The following CA12 variants were observed in gnomAD, a reference collection of about 807,000 sequenced individuals.
The protein encoded by CA12 is carbonate dehydratase XII.
In CA12, 36 loss-of-function variants were observed where a neutral mutation model predicts 46.8. That is an observed-to-expected ratio of 0.77 (90% confidence interval 0.59 to 1.02). CA12 has a LOEUF of 1.02. Ranked by LOEUF, CA12 falls within the 50% of genes least tolerant of loss-of-function variation. The probability of loss-of-function intolerance (pLI) is 0.00; values close to 1 mark genes in which losing one functional copy is unlikely to be tolerated. For synonymous variants in CA12, 202 were observed against 187.0 expected (o/e 1.08, Z -0.65); for missense variants, 436 against 451.4 (o/e 0.97, Z 0.31).
Position 63,328,145 on chromosome 15 carries a change from G to A in CA12, c.875-15C>T. 6.2e-7 allele frequency: 1 copy of A among 1,613,456 alleles called. No homozygotes were observed. Among genetic ancestry groups the A allele is most frequent in the Admixed American group, 1.7e-5 (1 of 60,022 alleles). On this transcript the variant is annotated splice_polypyrimidine_tract_variant and intron_variant, in intron 8 of 10. Transcript: ENST00000178638. The surrounding 1 kb of genome is among the most constrained non-coding windows in gnomAD (Gnocchi z 5.9). ...ACAGACTTGCACTTAAAAGGGGAGA[G>A]GAAAAGACGAGGTTACTCTAGAGTC... is the stretch of plus-strand genomic sequence containing the variant.
chr15:63,356,585 G>A (rs1308978320), intron 2 of CA12, among the ~76,000 whole-genome samples: 10 of 90 alleles, frequency 0.11, no homozygotes, highest in African/African-American at 0.33. Flanking sequence ...ATGCAGTAGC[G>A]TGATCTCGCT....
Position 63,328,076 on chromosome 15 carries a change from G to A in CA12, c.907+22C>T, listed in dbSNP as rs374688635. On this transcript the variant is annotated intron_variant, in intron 9 of 10. Transcript: ENST00000178638. The surrounding 1 kb of genome is among the most constrained non-coding windows in gnomAD (Gnocchi z 5.9). ...GTGATCACCCAGCTGCAGCATGCACGGCTGGCTGCCCAGCCACATACCCAG... is the reference window on the plus strand; with the variant it reads ...GTGATCACCCAGCTGCAGCATGCACAGCTGGCTGCCCAGCCACATACCCAG... 65 of 1,610,498 alleles carry A rather than the reference G, an allele frequency of 4.0e-5. No homozygotes were observed. The highest frequency in any genetic ancestry group is 3.5e-4 in the South Asian group (32 of 90,984).
At position 63,378,068 on chromosome 15, in the gene CA12, G is replaced by C. The variant is rs980582662; in HGVS notation, c.86-2390C>G. 1.3e-5 allele frequency among the ~76,000 whole-genome samples: 2 copies of C among 152,212 alleles called. No individual in the cohort carries two copies. The highest frequency in any genetic ancestry group is 4.8e-5 in the African/African-American group (2 of 41,448). On this transcript the variant is annotated intron_variant, in intron 1 of 10. Transcript: ENST00000178638. This position sits in a 1 kb window ranked among gnomAD's most constrained non-coding sequence, Gnocchi z 4.8. ...CCAGACCCCCTGGAGTATCCGATGA[G>C]TATTATGGACCTCTCCCAGTAAAAA... is the stretch of plus-strand genomic sequence containing the variant.
At chr15:63,333,491 G>A (rs989220783) in intron 8 of CA12, among the ~76,000 whole-genome samples, 1 of 152,160 alleles carries the variant, frequency 6.6e-6, no homozygotes, top group Non-Finnish European at 1.5e-5. Flanking sequence ...CTGACTGTTC[G>A]GCCTCTGACC....
intron 2 of CA12, 55 bp from the exon 3 acceptor site, chr15:63,346,764 T>C: frequency 1.3e-6 from 2 of 1,566,992 alleles, no homozygotes; most frequent in African/African-American, 1.3e-5. Flanking sequence ...GGGATTTTCC[T>C]TATCTTCTAA....
chr15:63,346,810 T>C, intron 2 of CA12, 101 bp from the exon 3 acceptor site: 2 of 1,366,190 alleles, frequency 1.5e-6, no homozygotes, highest in East Asian at 2.3e-5. Context: ...TTTCTCCTCT[T>C]TTCTGAATCC....
chr15:63,359,621 A>C (rs991947131), intron 2 of CA12, among the ~76,000 whole-genome samples: 1 of 152,210 alleles, frequency 6.6e-6, no homozygotes, highest in Non-Finnish European at 1.5e-5. Flanking sequence ...TCTAAGATCT[A>C]TATGCTATAT....
chr15:63,342,025 C>G lies in CA12; in HGVS notation c.502G>C (p.Ala168Pro). ...STASNKSEGL[A>P]VLAVLIEMGS... ...ACCTCAATGAGAACAGCCAGGACAG[C>G]GAGGCCTTCTGACTTGTTGCTGGCA... The change falls in exon 5 of 11, where the codon GCT (alanine) becomes CCT (proline). Residue 168 changes from alanine (A) to proline (P), a missense_variant. Physicochemically the swap from Ala to Pro is conservative, Grantham distance 27. Transcript: ENST00000178638. 1.2e-6 allele frequency: 2 copies of G among 1,613,496 alleles called. No individual in the cohort carries two copies. The highest frequency in any genetic ancestry group is 1.7e-6 in the Non-Finnish European group (2 of 1,179,516).
At chr15:63,353,064 G>C (rs1003762649) in intron 2 of CA12, among the ~76,000 whole-genome samples, 2 of 152,108 alleles carry the variant, frequency 1.3e-5, no homozygotes, top group African/African-American at 4.8e-5. Context: ...AGATGCAATG[G>C]AGAACAAAAC....
Position 63,346,691 on chromosome 15 carries a change from C to T in CA12, c.125G>A (p.Ser42Asn). The T allele has an allele frequency of 6.2e-7, 1 of 1,614,204 alleles. No homozygotes were observed. The highest frequency in any genetic ancestry group is 8.5e-7 in the Non-Finnish European group (1 of 1,180,022). The change falls in exon 3 of 11, where the codon AGC becomes AAC. Residue 42 changes from serine (S) to asparagine (N), a missense_variant. Ser to Asn is a conservative substitution (Grantham distance 46). Transcript: ENST00000178638. ...WTYFGPDGEN[S>N]WSKKYPSCGG... is the part of the protein sequence containing the mutation. Reference sequence around the variant, plus strand: ...ACACGACGGGTACTTCTTGGACCAGCTATTCTCCCCATCAGGACCTGGACA... The same window carrying T: ...ACACGACGGGTACTTCTTGGACCAGTTATTCTCCCCATCAGGACCTGGACA...
At position 63,328,803 on chromosome 15, in the gene CA12, C is replaced by G. The variant is rs1348742831; in HGVS notation, c.875-673G>C. 6.6e-6 allele frequency among the ~76,000 whole-genome samples: 1 copy of G among 152,174 alleles called. No individual in the cohort carries two copies. The highest frequency in any genetic ancestry group is 1.5e-5 in the Non-Finnish European group (1 of 68,028). ...GCAACCTCCACCTCCTGGGTTCAAG[C>G]AATTCTCATGCCTCAGCCTCCCGAG... On this transcript the variant is annotated intron_variant, in intron 8 of 10. Coordinates refer to ENST00000178638, the MANE Select transcript of CA12 (RefSeq NM_001218.5). This position sits in a 1 kb window ranked among gnomAD's most constrained non-coding sequence, Gnocchi z 5.9.
chr15:63,360,534 A>G (rs1008904556), intron 2 of CA12, among the ~76,000 whole-genome samples: 14 of 152,226 alleles, frequency 9.2e-5, no homozygotes, highest in African/African-American at 3.4e-4. Flanking sequence ...ACTGTCTCCC[A>G]ACACTACCCC....
Position 63,337,136 on chromosome 15 carries a change from A to G in CA12, c.874+1683T>C, listed in dbSNP as rs1260981227. Reference sequence around the variant, plus strand: ...TTTTCAGGAAGGCTACTGTTCACAGATTCTGTTTTCCAACTGAGAAACTGA... The same window carrying G: ...TTTTCAGGAAGGCTACTGTTCACAGGTTCTGTTTTCCAACTGAGAAACTGA... On this transcript the variant is annotated intron_variant, in intron 8 of 10. Coordinates refer to ENST00000178638, the MANE Select transcript of CA12 (RefSeq NM_001218.5). Among the ~76,000 whole-genome samples, 4 of 152,218 alleles carry G rather than the reference A, an allele frequency of 2.6e-5. No homozygotes were observed. The East Asian group carries it at 7.7e-4, about 29-fold the overall frequency.
intron 1 of CA12, among the ~76,000 whole-genome samples, chr15:63,376,628 TC>T (rs1468595622): frequency 1.1e-5 from 1 of 91,140 alleles, no homozygotes; most frequent in African/African-American, 3.9e-5. Context: ...CTCTCTTTCT[TC>T]TTTTTCTTTT....
chr15:63,363,809 A>G (rs1279706961), intron 2 of CA12, among the ~76,000 whole-genome samples: 1 of 152,206 alleles, frequency 6.6e-6, no homozygotes, highest in Non-Finnish European at 1.5e-5. Context: ...ATCTGTGCAG[A>G]TGCAGTCTGA....
intron 2 of CA12, among the ~76,000 whole-genome samples, chr15:63,366,254 A>G (rs190609115): frequency 1.3e-5 from 2 of 151,192 alleles, no homozygotes; most frequent in Admixed American, 1.3e-4. Flanking sequence ...CCCTTCCCTC[A>G]TCACTGAGGT....
Position 63,340,241 on chromosome 15 carries a change from G to A in CA12, c.747+47C>T. The A allele has an allele frequency of 6.2e-7, 1 of 1,603,394 alleles. No individual in the cohort carries two copies. The highest frequency in any genetic ancestry group is 8.5e-7 in the Non-Finnish European group (1 of 1,170,406). ...TGATTGTGATATGGAGGATGATGGG[G>A]ACTGAGGTGCCGCGTGGACTCTGGC... On this transcript the variant is annotated intron_variant, in intron 7 of 10. Coordinates refer to ENST00000178638, the MANE Select transcript of CA12 (RefSeq NM_001218.5). This position sits in a 1 kb window ranked among gnomAD's most constrained non-coding sequence, Gnocchi z 4.4.
intron 2 of CA12, among the ~76,000 whole-genome samples, chr15:63,364,788 C>T (rs1176759856): frequency 1.3e-5 from 2 of 152,216 alleles, no homozygotes; most frequent in African/African-American, 2.4e-5. Context: ...TGCTAATCAC[C>T]GCACTCCCTC....
chr15:63,379,024 C>G (rs1048462272), intron 1 of CA12: 2 of 152,364 alleles, frequency 1.3e-5, no homozygotes, highest in Admixed American at 1.3e-4. Flanking sequence ...AGTTCTCATC[C>G]TCAGATGAGG....
Sources: gnomAD v4.1 joint callset for allele counts (sites outside exome capture counted in the v4.1 genomes callset) on GRCh38, gnomAD v4.1.1 for gene constraint, Gnocchi (gnomAD v3.1) non-coding constraint, MANE v1.5 for transcripts, NCBI Gene and HGNC (gene_info 2026-07-23, HGNC 2026-07-21) for gene names.